DIXDC1: variants seen among roughly 807,000 people sequenced by gnomAD.
The protein encoded by DIXDC1 is DIX domain containing 1.
In DIXDC1, 64 loss-of-function variants were observed where a neutral mutation model predicts 103.1. That is an observed-to-expected ratio of 0.62 (90% CI 0.51 to 0.76). The LOEUF is 0.76. DIXDC1 is among the 30% of genes least tolerant of loss of function. DIXDC1 has a pLI of 0.00. For missense variants in DIXDC1, 759 were observed against 834.2 expected (o/e 0.91, Z 1.11); for synonymous variants, 266 against 298.5 (o/e 0.89, Z 1.12).
intron 2 of DIXDC1, among the ~76,000 whole-genome samples, chr11:111,930,849 C>CT (rs782075106): frequency 0.035 from 4,119 of 116,816 alleles, 266 homozygotes; most frequent in African/African-American, 0.11. Flanking sequence ...TCTTTCTTTC[C>CT]TTTTTTTTTT....
At chr11:111,954,301 A>G (rs1966869237) in intron 1 of DIXDC1, among the ~76,000 whole-genome samples, 2 of 152,072 alleles carry the variant, frequency 1.3e-5, no homozygotes, top group Non-Finnish European at 2.9e-5. Flanking sequence ...ACAGTTCACA[A>G]TAGGGTTCCC....
chr11:111,932,011 C>T (rs1966034493), intron 2 of DIXDC1, among the ~76,000 whole-genome samples: 1 of 149,510 alleles, frequency 6.7e-6, no homozygotes, highest in African/African-American at 2.5e-5. Context: ...CACCCACAGG[C>T]TAGCTGGCAG....
chr11:111,993,050 T>A (rs1200372556), intron 12 of DIXDC1, 46 bp downstream of exon 12: 2 of 1,555,198 alleles, frequency 1.3e-6, no homozygotes, highest in Admixed American at 1.9e-5. Flanking sequence ...TGACTTTTCA[T>A]GAACAGCCCG....
chr11:111,974,122 A>C lies in DIXDC1; in HGVS notation c.416A>C (p.Asp139Ala). Residue 139 changes from aspartate to alanine, a missense_variant, in exon 4 of 20, where the codon GAC becomes GCC. Coordinates refer to ENST00000440460, the MANE Select transcript of DIXDC1 (RefSeq NM_001037954.4). ...AGCAGGACGGTGAACCAAGGACGGGACTCCAGAGCCCCTCTGCAAAGTCAC... is the reference window on the plus strand; with the variant it reads ...AGCAGGACGGTGAACCAAGGACGGGCCTCCAGAGCCCCTCTGCAAAGTCAC... ...GSSRTVNQGR[D>A]SRAPLQSHRP... The C allele has an allele frequency of 6.2e-7, 1 of 1,613,766 alleles. No homozygotes were observed. The highest frequency in any genetic ancestry group is 8.5e-7 in the Non-Finnish European group (1 of 1,179,858).
intron 3 of DIXDC1, among the ~76,000 whole-genome samples, chr11:111,969,648 A>G (rs115058855): frequency 0.012 from 1,793 of 152,276 alleles, 22 homozygotes; most frequent in African/African-American, 0.04. Flanking sequence ...AGAACTGACT[A>G]TAGACCTGGT....
rs1405612010 is a variant in DIXDC1 at position 111,976,507 on chromosome 11, TGCTGGGTTAGTA to T, written c.656+1529_656+1540del. Among the ~76,000 whole-genome samples, 1 of 152,184 alleles carries T rather than the reference TGCTGGGTTAGTA, an allele frequency of 6.6e-6. No individual in the cohort carries two copies. The highest frequency in any genetic ancestry group is 2.4e-5 in the African/African-American group (1 of 41,438). Reference sequence around the variant, plus strand: ...TGACCCCTCATCCAGCTCTTTGGCATGCTGGGTTAGTAGCTGCCTTTTCCTCAGTGAGTCCCT... The same window carrying T: ...TGACCCCTCATCCAGCTCTTTGGCATGCTGCCTTTTCCTCAGTGAGTCCCT... On this transcript the variant is annotated intron_variant, in intron 5 of 19. Transcript: ENST00000440460. This position sits in a 1 kb window ranked among gnomAD's most constrained non-coding sequence, Gnocchi z 4.3.
intron 3 of DIXDC1, among the ~76,000 whole-genome samples, chr11:111,971,244 T>C (rs1859913715): frequency 6.6e-6 from 1 of 152,156 alleles, no homozygotes; most frequent in Non-Finnish European, 1.5e-5. Context: ...AGGTCTAATA[T>C]CTAGAATCTA....
intron 1 of DIXDC1, among the ~76,000 whole-genome samples, chr11:111,953,182 C>G (rs1966846679): frequency 6.6e-6 from 1 of 152,032 alleles, no homozygotes. Flanking sequence ...TGTTATTTTC[C>G]ATATAAACTG....
intron 17 of DIXDC1, among the ~76,000 whole-genome samples, chr11:112,008,191 T>TA (rs1219418716): frequency 6.6e-6 from 1 of 150,618 alleles, no homozygotes; most frequent in Non-Finnish European, 1.5e-5. Context: ...AAACAGACTT[T>TA]AAACCAACAA....
intron 1 of DIXDC1, among the ~76,000 whole-genome samples, chr11:111,944,136 A>C (rs952804747): frequency 1.1e-4 from 17 of 152,082 alleles, no homozygotes; most frequent in African/African-American, 4.1e-4. Flanking sequence ...CAACTTCCCC[A>C]CCCTCATCTC....
At chr11:112,003,464 AT>A (rs1463067009) in intron 17 of DIXDC1, among the ~76,000 whole-genome samples, 9 of 151,902 alleles carry the variant, frequency 5.9e-5, no homozygotes, top group African/African-American at 9.7e-5. Flanking sequence ...AAACAAAAAA[AT>A]AAAATAGCTA....
intron 1 of DIXDC1, among the ~76,000 whole-genome samples, chr11:111,961,729 G>T (rs1436758624): frequency 6.6e-6 from 1 of 152,176 alleles, no homozygotes; most frequent in South Asian, 2.1e-4. Context: ...GTTCTTGTTT[G>T]TCCCCCCGCA....
In DIXDC1 at chr11:111,977,427, GGCACCGT is replaced by G. The variant is rs1295803258; in HGVS notation, c.656+2447_656+2453del. 1.7e-6 allele frequency: 2 copies of G among 1,201,190 alleles called. No individual in the cohort carries two copies. The highest frequency in any genetic ancestry group is 3.3e-5 in the African/African-American group (2 of 61,070). The allele number at this position is 1,201,190 out of a possible 1,614,324, so 74.4% of individuals were successfully genotyped here. On this transcript the variant is annotated intron_variant, in intron 5 of 19. Transcript: ENST00000440460. This position sits in a 1 kb window ranked among gnomAD's most constrained non-coding sequence, Gnocchi z 6.1. The stretch of plus-strand genomic sequence containing the variant: ...GATGCCCCCGCCAGGGGGGATGCCC[GGCACCGT>G]GCGTCCGCGGAGGCCAAGATGCAGC...
In DIXDC1 at chr11:111,982,396, T is replaced by C. The variant is rs1860339944; in HGVS notation, c.827T>C (p.Leu276Pro). The C allele has an allele frequency of 1.9e-6, 3 of 1,613,878 alleles. No individual in the cohort carries two copies. In the South Asian group the frequency reaches 3.3e-5, roughly 18 times the overall value. ...DWRPGSPGTY[L>P]ETSWEEQLLE... ...CGGCCAGGGAGCCCTGGAACCTATC[T>C]GGAGACCTCATGGGAAGAACAGCTG... Residue 276 changes from leucine to proline, a missense_variant, in exon 7 of 20, where the codon CTG (leucine) becomes CCG (proline). This residue lies in a region of DIXDC1 where 657 missense variants were observed against 727.5 expected (regional missense o/e 0.90). Transcript: ENST00000440460.
chr11:111,977,530 C>CTGAAG lies in DIXDC1; in HGVS notation c.656+2547_656+2548insTGAAG, dbSNP rs1860150259. On this transcript the variant is annotated intron_variant, in intron 5 of 19. Coordinates refer to ENST00000440460, the MANE Select transcript of DIXDC1 (RefSeq NM_001037954.4). This position sits in a 1 kb window ranked among gnomAD's most constrained non-coding sequence, Gnocchi z 6.1. ...CCGGGCTGCTGCACAGTCTGAGCGG[C>CTGAAG]CGGGACTGCGCGCTTCAGAGCCTGG... is the stretch of plus-strand genomic sequence containing the variant. 3.5e-6 allele frequency: 5 copies of CTGAAG among 1,424,190 alleles called. No individual in the cohort carries two copies. The highest frequency in any genetic ancestry group is 3.0e-5 in the African/African-American group (2 of 67,162). 88.2% of individuals were successfully genotyped at this position (1,424,190 alleles called of 1,614,324 possible). A position where few individuals can be genotyped will look rare whatever the true frequency, so the allele number is the denominator to read the frequency against.
chr11:111,942,852 C>T (rs1374018965), intron 1 of DIXDC1, among the ~76,000 whole-genome samples: 5 of 152,210 alleles, frequency 3.3e-5, no homozygotes, highest in Non-Finnish European at 5.9e-5. Flanking sequence ...GTGGATGGTA[C>T]TGAACCTGAC....
At position 111,995,305 on chromosome 11, in the gene DIXDC1, G is replaced by GA. The variant is rs587633991; in HGVS notation, c.1528-93dup. The GA allele has an allele frequency of 2.4e-5, 37 of 1,516,576 alleles. No homozygotes were observed. The African/African-American group carries it at 4.0e-4, about 16-fold the overall frequency. The allele number at this position is 1,516,576 out of a possible 1,614,324, so 93.9% of individuals were successfully genotyped here. A position where few individuals can be genotyped will look rare whatever the true frequency, so the allele number is the denominator to read the frequency against. ...AAACCATAGGCCTGCTTCTGTGGGGGAAAAATCTTCTGGAAACTTCTCTCC... is the reference window on the plus strand; with the variant it reads ...AAACCATAGGCCTGCTTCTGTGGGGGAAAAAATCTTCTGGAAACTTCTCTCC... On this transcript the variant is annotated intron_variant, in intron 15 of 19. Coordinates refer to ENST00000440460, the MANE Select transcript of DIXDC1 (RefSeq NM_001037954.4).
Position 111,980,006 on chromosome 11 carries a change from C to T in DIXDC1, c.657-731C>T, listed in dbSNP as rs148767397. On this transcript the variant is annotated intron_variant, in intron 5 of 19. Coordinates refer to ENST00000440460, the MANE Select transcript of DIXDC1 (RefSeq NM_001037954.4). ...AGAATTGTTGAGAAGATTCTGAGGACAATTTGAAAGTATTGTGTCAGAAAT... is the reference window on the plus strand; with the variant it reads ...AGAATTGTTGAGAAGATTCTGAGGATAATTTGAAAGTATTGTGTCAGAAAT... Among the ~76,000 whole-genome samples, 839 of 152,220 alleles carry T rather than the reference C, an allele frequency of 5.5e-3. 3 individuals are homozygous for T. Among genetic ancestry groups the T allele is most frequent in the Non-Finnish European group, 7.8e-3 (533 of 68,006 alleles).
chr11:111,985,274 A>G lies in DIXDC1; in HGVS notation c.961A>G (p.Arg321Gly), dbSNP rs782457017. 4.3e-6 allele frequency: 7 copies of G among 1,613,692 alleles called. No homozygotes were observed. The highest frequency in any genetic ancestry group is 3.3e-5 in the Admixed American group (2 of 59,978). ...ATCCTTACCTGAAGATGAACAGGAG[A>G]GGCCCTTGGCCCTCTGTGAACCAGG... The part of the protein sequence containing the change: ...NGSLPEDEQE[R>G]PLALCEPGVN... The change falls in exon 8 of 20, where the codon AGG becomes GGG. Residue 321 changes from arginine to glycine, a missense_variant. Physicochemically the swap from Arg to Gly is moderately radical, Grantham distance 125. Coordinates refer to ENST00000440460, the MANE Select transcript of DIXDC1 (RefSeq NM_001037954.4).
Sources: allele counts gnomAD v4.1 joint callset (sites outside exome capture counted in the v4.1 genomes callset), GRCh38; gene constraint gnomAD v4.1.1; regional missense constraint gnomAD v4.1.1; non-coding constraint Gnocchi (gnomAD v3.1); transcripts MANE v1.5; gene names NCBI Gene and HGNC (gene_info 2026-07-23, HGNC 2026-07-21).